The following FAM222A variants were observed in gnomAD, a reference collection of about 807,000 sequenced individuals.
The protein encoded by FAM222A is family with sequence similarity 222 member A.
In FAM222A, 7 loss-of-function variants were observed where a neutral mutation model predicts 25.8. That is an observed-to-expected ratio of 0.27 (90% CI 0.15 to 0.51). The LOEUF is 0.51. Ranked by LOEUF, FAM222A falls within the 20% of genes least tolerant of loss-of-function variation. The pLI, the probability that FAM222A is intolerant of heterozygous loss-of-function variation, is 0.97. For missense variants in FAM222A, 573 were observed against 640.5 expected, an observed-to-expected ratio of 0.89 and a Z score of 1.14; for synonymous variants, 294 against 298.8, an observed-to-expected ratio of 0.98 and a Z score of 0.17.
At chr12:109,727,892 C>G (rs1887872285) in intron 1 of FAM222A, among the ~76,000 whole-genome samples, 1 of 152,194 alleles carries the variant, frequency 6.6e-6, no homozygotes, top group East Asian at 1.9e-4. Context: ...GAGGGACATT[C>G]TGTCCCTCAA....
intron 1 of FAM222A, among the ~76,000 whole-genome samples, chr12:109,741,853 C>G (rs554232557): frequency 5.9e-5 from 9 of 152,222 alleles, no homozygotes; most frequent in Non-Finnish European, 1.2e-4. Flanking sequence ...TCCCTCCTTA[C>G]TGGCCTGGGT....
At chr12:109,748,620 A>G (rs904076112) in intron 2 of FAM222A, among the ~76,000 whole-genome samples, 1 of 152,044 alleles carries the variant, frequency 6.6e-6, no homozygotes, top group Admixed American at 6.5e-5. Flanking sequence ...GTTTCTCTAG[A>G]AAAGTATCCA....
chr12:109,733,065 G>A (rs1325529167), intron 1 of FAM222A, among the ~76,000 whole-genome samples: 1 of 152,210 alleles, frequency 6.6e-6, no homozygotes, highest in Non-Finnish European at 1.5e-5. Flanking sequence ...CTCGGAGGAG[G>A]TGATGTTTGA....
intron 2 of FAM222A, among the ~76,000 whole-genome samples, chr12:109,761,834 T>A (rs1211222688): frequency 6.6e-6 from 1 of 152,014 alleles, no homozygotes; most frequent in South Asian, 2.1e-4. Flanking sequence ...GTCAGATCTC[T>A]CCTCTCGGCT....
At chr12:109,741,844 C>G (rs1437939281) in intron 1 of FAM222A, among the ~76,000 whole-genome samples, 1 of 152,322 alleles carries the variant, frequency 6.6e-6, no homozygotes, top group South Asian at 2.1e-4. Context: ...CCTCTGACCT[C>G]CCTCCTTACT....
chr12:109,762,825 G>A (rs533833565), intron 2 of FAM222A, among the ~76,000 whole-genome samples: 25 of 152,322 alleles, frequency 1.6e-4, no homozygotes, highest in Admixed American at 1.4e-3. Context: ...CAAACCCATT[G>A]GCTTCCAGGG....
At chr12:109,731,327 G>A (rs879376168) in intron 1 of FAM222A, among the ~76,000 whole-genome samples, 1 of 152,010 alleles carries the variant, frequency 6.6e-6, no homozygotes, top group Non-Finnish European at 1.5e-5. Context: ...GGAGCGGCTG[G>A]TCCTGTGGGA....
intron 1 of FAM222A, among the ~76,000 whole-genome samples, chr12:109,740,002 C>G (rs1461123609): frequency 6.6e-6 from 1 of 152,192 alleles, no homozygotes; most frequent in Non-Finnish European, 1.5e-5. Context: ...CGTGGGCTCC[C>G]TGACGCCCCC....
chr12:109,743,772 CGGAG>C (rs767072176), intron 1 of FAM222A, among the ~76,000 whole-genome samples: 2 of 152,154 alleles, frequency 1.3e-5, no homozygotes, highest in African/African-American at 4.8e-5. Context: ...CTGCGGGGCA[CGGAG>C]GGAGTGAGGA....
At chr12:109,756,302 T>C (rs2136369709) in intron 2 of FAM222A, among the ~76,000 whole-genome samples, 1 of 152,238 alleles carries the variant, frequency 6.6e-6, no homozygotes, top group East Asian at 1.9e-4. Context: ...TTTATTCTAA[T>C]AGTTTTTTAG....
At chr12:109,765,125 C>T (rs1297812480) in intron 2 of FAM222A, among the ~76,000 whole-genome samples, 1 of 152,248 alleles carries the variant, frequency 6.6e-6, no homozygotes, top group Non-Finnish European at 1.5e-5. Context: ...GCTCATAGGC[C>T]TGCCCATGCC....
intron 2 of FAM222A, among the ~76,000 whole-genome samples, chr12:109,747,554 A>G (rs1888436608): frequency 6.6e-6 from 1 of 152,232 alleles, no homozygotes; most frequent in African/African-American, 2.4e-5. Context: ...GGATTGCATT[A>G]CATTTACAGA....
Position 109,744,836 on chromosome 12 carries a change from A to G in FAM222A, c.82+608A>G, listed in dbSNP as rs73407766. Reference sequence around the variant, plus strand: ...ATTTCTACTATCTCTTGAAAAAAACAAAAACAGAGGCTCTGGTAACATAGG... The same window carrying G: ...ATTTCTACTATCTCTTGAAAAAAACGAAAACAGAGGCTCTGGTAACATAGG... On this transcript the variant is annotated intron_variant, in intron 2 of 2. Transcript: ENST00000538780. 6.1e-3 allele frequency: 5,712 copies of G among 934,802 alleles called. 156 individuals are homozygous for G. In the African/African-American group the frequency reaches 0.064, roughly 10 times the overall value. 57.9% of individuals were successfully genotyped at this position (934,802 alleles called of 1,614,324 possible).
At chr12:109,749,002 A>G (rs1248755736) in intron 2 of FAM222A, among the ~76,000 whole-genome samples, 1 of 151,978 alleles carries the variant, frequency 6.6e-6, no homozygotes, top group Non-Finnish European at 1.5e-5. Flanking sequence ...TATATGTAGT[A>G]TTTTCATTAT....
At chr12:109,742,932 GGACTCCA>G (rs1888285437) in intron 1 of FAM222A, among the ~76,000 whole-genome samples, 1 of 152,068 alleles carries the variant, frequency 6.6e-6, no homozygotes, top group Non-Finnish European at 1.5e-5. Context: ...GCAGAATTTA[GGACTCCA>G]GACACCTGTT....
At chr12:109,742,592 A>ACTCT (rs150221025) in intron 1 of FAM222A, among the ~76,000 whole-genome samples, 22 of 141,116 alleles carry the variant, frequency 1.6e-4, no homozygotes, top group African/African-American at 4.2e-4. Flanking sequence ...TCCATCCTCC[A>ACTCT]CTCTCTCTCT....
At position 109,744,605 on chromosome 12, in the gene FAM222A, C is replaced by T. The variant is rs190117536; in HGVS notation, c.82+377C>T. The T allele has an allele frequency of 2.1e-4, 209 of 985,408 alleles. 2 individuals carry two copies. In the Admixed American group the frequency reaches 8.4e-3, roughly 39 times the overall value. 61.0% of individuals were successfully genotyped at this position (985,408 alleles called of 1,614,324 possible). A position where few individuals can be genotyped will look rare whatever the true frequency, so the allele number is the denominator to read the frequency against. On this transcript the variant is annotated intron_variant, in intron 2 of 2. Coordinates refer to ENST00000538780, the MANE Select transcript of FAM222A (RefSeq NM_032829.3). Reference sequence around the variant, plus strand: ...CAAAAAATAGACAGAATGGGGTCCCCGCTTGAGGCCCATGAGCTGTGTGGT... The same window carrying T: ...CAAAAAATAGACAGAATGGGGTCCCTGCTTGAGGCCCATGAGCTGTGTGGT...
intron 1 of FAM222A, among the ~76,000 whole-genome samples, chr12:109,728,635 TAA>T (rs1244947803): frequency 6.6e-6 from 1 of 152,172 alleles, no homozygotes; most frequent in East Asian, 1.9e-4. Flanking sequence ...TCTGCAGGGC[TAA>T]GAGTCTGGTA....
intron 2 of FAM222A, among the ~76,000 whole-genome samples, chr12:109,745,891 A>C (rs1592789795): frequency 7.2e-6 from 1 of 139,460 alleles, no homozygotes; most frequent in African/African-American, 2.7e-5. Flanking sequence ...TGACTAATCT[A>C]CTTATCTCCT....
Sources: gnomAD v4.1 joint callset for allele counts (sites outside exome capture counted in the v4.1 genomes callset) on GRCh38, gnomAD v4.1.1 for gene constraint, MANE v1.5 for transcripts, NCBI Gene and HGNC (gene_info 2026-07-23, HGNC 2026-07-21) for gene names.